The following CCDC38 variants were observed in gnomAD, a reference collection of about 807,000 sequenced individuals.
CCDC38 encodes the protein coiled-coil domain containing 38.
CCDC38 carries 69 observed loss-of-function variants against 72.8 expected under a neutral mutation model. The ratio of observed to expected loss-of-function variants is 0.95; its 90% CI spans 0.78 to 1.16. The LOEUF is 1.16. CCDC38 is among the 50% of genes most tolerant of loss of function. The pLI, the probability that CCDC38 is intolerant of heterozygous loss-of-function variation, is 0.00. For synonymous variants in CCDC38, 201 were observed against 213.2 expected, an observed-to-expected ratio of 0.94 and a Z score of 0.50; for missense variants, 626 against 638.9, an observed-to-expected ratio of 0.98 and a Z score of 0.22.
rs753251438 is a variant in CCDC38, at chr12:95,869,501, T to C, written c.1557A>G (p.Ala519=). The C allele has an allele frequency of 3.2e-5, 51 of 1,613,500 alleles. No individual in the cohort carries two copies. Among genetic ancestry groups the C allele is most frequent in the Middle Eastern group, 1.6e-4 (1 of 6,080 alleles). The change falls in exon 15 of 16, where the codon GCA becomes GCG. Residue 519 remains alanine, a synonymous_variant. Coordinates refer to ENST00000344280, the MANE Select transcript of CCDC38 (RefSeq NM_182496.3). Reference sequence around the variant, plus strand: ...AAACCTTTTTCTTTGGTTGTGCTACTGCTTTTTCCAGAGCAGCTTTTAGCC... The same window carrying C: ...AAACCTTTTTCTTTGGTTGTGCTACCGCTTTTTCCAGAGCAGCTTTTAGCC... ...QERLKAALEK[A]VAQPKKKLGR... is the part of the protein sequence containing the mutation.
intron 15 of CCDC38, among the ~76,000 whole-genome samples, chr12:95,867,549 G>T (rs565444262): frequency 1.3e-5 from 2 of 152,126 alleles, no homozygotes; most frequent in Non-Finnish European, 2.9e-5. Context: ...CCAGTTTTTC[G>T]TCCATGGTTG....
chr12:95,885,164 G>T lies in CCDC38; in HGVS notation c.920+3294C>A. The T allele has an allele frequency of 2.0e-5, 3 of 153,028 alleles. No individual in the cohort carries two copies. In the South Asian group the frequency reaches 5.5e-4, roughly 28 times the overall value. 9.5% of individuals were successfully genotyped at this position (153,028 alleles called of 1,614,324 possible). A position where few individuals can be genotyped will look rare whatever the true frequency, so the allele number is the denominator to read the frequency against. ...TCCCTGTGTTGTGTGTTGGAATCTG[G>T]AGCAATGAAGACCTCTGTGCCCTTA... On this transcript the variant is annotated intron_variant, in intron 10 of 15. Transcript: ENST00000344280.
At chr12:95,897,860 A>G (rs1409625546) in intron 7 of CCDC38, among the ~76,000 whole-genome samples, 2 of 152,080 alleles carry the variant, frequency 1.3e-5, no homozygotes. Flanking sequence ...CTTCCAAAGG[A>G]GCTGAGAGGC....
intron 4 of CCDC38, among the ~76,000 whole-genome samples, chr12:95,908,365 G>A (rs892280059): frequency 1.4e-5 from 2 of 147,984 alleles, no homozygotes; most frequent in Admixed American, 1.4e-4. Context: ...GGCAGGCTGA[G>A]GCAGGAGAAT....
At chr12:95,870,581 C>T (rs367639794) in intron 14 of CCDC38, among the ~76,000 whole-genome samples, 50 of 152,272 alleles carry the variant, frequency 3.3e-4, no homozygotes, top group Non-Finnish European at 6.2e-4. Context: ...TCATGTATCA[C>T]TGCTAAAAAT....
chr12:95,872,597 C>T (rs1372566576), intron 13 of CCDC38, 137 bp from the exon 14 acceptor site: 12 of 644,272 alleles, frequency 1.9e-5, no homozygotes, highest in East Asian at 8.5e-5. Flanking sequence ...TTTTTTGAGA[C>T]GGAGTCTCAC....
At chr12:95,873,776 C>T (rs1179634687) in intron 13 of CCDC38, among the ~76,000 whole-genome samples, 1 of 152,192 alleles carries the variant, frequency 6.6e-6, no homozygotes, top group African/African-American at 2.4e-5. Flanking sequence ...CCTCCTGGAA[C>T]CACAAACACC....
At chr12:95,868,534 T>A (rs1427133121) in intron 15 of CCDC38, among the ~76,000 whole-genome samples, 1 of 152,200 alleles carries the variant, frequency 6.6e-6, no homozygotes, top group Non-Finnish European at 1.5e-5. Flanking sequence ...TCATGGCACA[T>A]ATTAATTCCC....
chr12:95,877,966 C>T (rs1233422186), intron 13 of CCDC38, among the ~76,000 whole-genome samples: 1 of 152,180 alleles, frequency 6.6e-6, no homozygotes, highest in Non-Finnish European at 1.5e-5. Flanking sequence ...AAACTATGGT[C>T]AATATCATGC....
intron 2 of CCDC38, among the ~76,000 whole-genome samples, chr12:95,927,739 G>A (rs149151990): frequency 0.093 from 14,206 of 152,018 alleles, 1,185 homozygotes; most frequent in East Asian, 0.46. Flanking sequence ...GCCTGGTGGT[G>A]ACAAAATCGC....
intron 10 of CCDC38, among the ~76,000 whole-genome samples, chr12:95,882,401 A>G (rs2079710924): frequency 6.6e-6 from 1 of 152,178 alleles, no homozygotes; most frequent in South Asian, 2.1e-4. Flanking sequence ...GCCTGGAAAA[A>G]TGGAGGTAGC....
intron 10 of CCDC38, among the ~76,000 whole-genome samples, chr12:95,882,515 T>C (rs1229593080): frequency 6.6e-6 from 1 of 152,142 alleles, no homozygotes; most frequent in Non-Finnish European, 1.5e-5. Flanking sequence ...TGGAGCTGCC[T>C]ATTGAGCAGC....
intron 4 of CCDC38, among the ~76,000 whole-genome samples, chr12:95,908,651 AGAGGGAGGAGAG>A (rs1296620817): frequency 1.1e-4 from 1 of 9,262 alleles, no homozygotes; most frequent in Non-Finnish European, 1.6e-4. Context: ...AGGGAGAGGG[AGAGGGAGGAGAG>A]GGAGAGGGAG....
At chr12:95,927,253 T>G (rs1485057329) in intron 2 of CCDC38, among the ~76,000 whole-genome samples, 1 of 152,054 alleles carries the variant, frequency 6.6e-6, no homozygotes, top group Non-Finnish European at 1.5e-5. Context: ...ATATTTAGGA[T>G]AGTTAGCTCT....
chr12:95,910,878 A>G (rs2080086434), intron 4 of CCDC38, among the ~76,000 whole-genome samples: 1 of 152,184 alleles, frequency 6.6e-6, no homozygotes, highest in Non-Finnish European at 1.5e-5. Flanking sequence ...TGAATAAATA[A>G]TTCATAAAAA....
chr12:95,914,412 G>A (rs1176698454), intron 4 of CCDC38, among the ~76,000 whole-genome samples: 3 of 152,158 alleles, frequency 2.0e-5, no homozygotes, highest in East Asian at 3.8e-4. Context: ...TGTTCCCTGT[G>A]TACCTGTCAC....
At chr12:95,894,218 T>C (rs2079861229) in intron 8 of CCDC38, among the ~76,000 whole-genome samples, 1 of 152,058 alleles carries the variant, frequency 6.6e-6, no homozygotes, top group Non-Finnish European at 1.5e-5. Flanking sequence ...AGACTCCATC[T>C]CAAAAACAAC....
chr12:95,903,410 A>G lies in CCDC38; in HGVS notation c.369+2977T>C, dbSNP rs930258448. ...TTCTTGTCTTATTGCACTAGCTAGG[A>G]CCTCCAGAACACTGACAAAAAGAAG... On this transcript the variant is annotated intron_variant, in intron 5 of 15. Transcript: ENST00000344280. The G allele has an allele frequency of 4.3e-6, 3 of 698,952 alleles. No individual in the cohort carries two copies. In the African/African-American group the frequency reaches 5.2e-5, roughly 12 times the overall value. 43.3% of individuals were successfully genotyped at this position (698,952 alleles called of 1,614,324 possible).
In CCDC38 at chr12:95,942,037, C is replaced by T. The variant is rs2080457356; in HGVS notation, c.-15+394G>A. Reference sequence around the variant, plus strand: ...TCTGTTCCAGGTTTTTTTAATGAGACTAAATTAACTTTTATATTTTGTGGG... The same window carrying T: ...TCTGTTCCAGGTTTTTTTAATGAGATTAAATTAACTTTTATATTTTGTGGG... On this transcript the variant is annotated intron_variant, in intron 1 of 15. Coordinates refer to ENST00000344280, the MANE Select transcript of CCDC38 (RefSeq NM_182496.3). Among the ~76,000 whole-genome samples the T allele has an allele frequency of 3.3e-5, 5 of 151,986 alleles. No homozygotes were observed. The South Asian group carries it at 6.2e-4, about 19-fold the overall frequency.
Sources: allele counts gnomAD v4.1 joint callset (sites outside exome capture counted in the v4.1 genomes callset), GRCh38; gene constraint gnomAD v4.1.1; transcripts MANE v1.5; gene names NCBI Gene and HGNC (gene_info 2026-07-23, HGNC 2026-07-21).